SH3GLB2: variants seen among roughly 807,000 people sequenced by gnomAD.
The protein encoded by SH3GLB2 is SH3 domain containing GRB2 like, endophilin B2.
Under a neutral mutation model 48.0 loss-of-function variants are expected in SH3GLB2, and 24 were observed. The ratio of observed to expected loss-of-function variants is 0.50; its 90% CI spans 0.36 to 0.70. SH3GLB2 has a LOEUF of 0.70. SH3GLB2 is among the 30% of genes least tolerant of loss of function. The pLI is 0.00. For missense variants in SH3GLB2, 425 were observed against 516.0 expected (o/e 0.82, Z 1.71); for synonymous variants, 227 against 207.6 (o/e 1.09, Z -0.80).
rs753515037 is a variant in SH3GLB2, at chr9:129,010,165, T to C, written c.693A>G (p.Gln231=). Residue 231 remains glutamine (Q), a synonymous_variant, in exon 8 of 11, where the codon CAA becomes CAG. Transcript: ENST00000372564. ...CCAGCAAGAGACGGGTCACTTCTGC[T>C]TGCCGGTCAAACTCTGTCTGGGCCA... ...LRVAQTEFDR[Q]AEVTRLLLEG... 3 of 1,614,052 alleles carry C rather than the reference T, an allele frequency of 1.9e-6. No individual in the cohort carries two copies. In the South Asian group the frequency reaches 3.3e-5, roughly 18 times the overall value.
chr9:129,016,082 C>A (rs1335261012), intron 3 of SH3GLB2, among the ~76,000 whole-genome samples: 1 of 152,176 alleles, frequency 6.6e-6, no homozygotes, highest in East Asian at 1.9e-4. Context: ...GTGGCTCACG[C>A]CTGTAATTCT....
At position 129,011,868 on chromosome 9, in the gene SH3GLB2, C is replaced by T. The variant is rs1201669459; in HGVS notation, c.624+368G>A. On this transcript the variant is annotated intron_variant, in intron 6 of 10. Transcript: ENST00000372564. The surrounding 1 kb of genome is among the most constrained non-coding windows in gnomAD (Gnocchi z 4.5). ...ACTCCAGAAAGGCACGGCCAGGCCTCCTCCTCTATCCTCAGGGCCTCCCCA... is the reference window on the plus strand; with the variant it reads ...ACTCCAGAAAGGCACGGCCAGGCCTTCTCCTCTATCCTCAGGGCCTCCCCA... 3 of 235,058 alleles carry T rather than the reference C, an allele frequency of 1.3e-5. No individual in the cohort carries two copies. In the East Asian group the frequency reaches 2.5e-4, roughly 19 times the overall value. The allele number at this position is 235,058 out of a possible 1,614,324, so 14.6% of individuals were successfully genotyped here. A position where few individuals can be genotyped will look rare whatever the true frequency, so the allele number is the denominator to read the frequency against.
At chr9:129,010,793 G>A in intron 6 of SH3GLB2, 100 bp from the exon 7 acceptor site, 3 of 1,414,806 alleles carry the variant, frequency 2.1e-6, no homozygotes, top group South Asian at 1.2e-5. Flanking sequence ...CTCAACTTCT[G>A]CCCCCCTGCC....
At chr9:129,020,268 T>TA (rs1843704130) in intron 3 of SH3GLB2, among the ~76,000 whole-genome samples, 1 of 130,354 alleles carries the variant, frequency 7.7e-6, no homozygotes, top group African/African-American at 2.9e-5. Context: ...ATGATTCCAT[T>TA]AAAAAATACA....
intron 6 of SH3GLB2, 95 bp downstream of exon 6, chr9:129,012,141 A>G: frequency 1.3e-6 from 1 of 765,198 alleles, no homozygotes; most frequent in Non-Finnish European, 1.7e-6. Context: ...CGCCTTACCC[A>G]AGCTGGCTTC....
chr9:129,027,286 C>T (rs1013295470), intron 1 of SH3GLB2, among the ~76,000 whole-genome samples: 1 of 152,154 alleles, frequency 6.6e-6, no homozygotes, highest in Non-Finnish European at 1.5e-5. Context: ...CCCACAGAAT[C>T]CTCGCATCTG....
chr9:129,013,169 AAG>A, intron 5 of SH3GLB2: 1 of 792,800 alleles, frequency 1.3e-6, no homozygotes, highest in Non-Finnish European at 2.1e-6. Context: ...TGCCCTCCTG[AAG>A]AGTCCTAACG....
intron 3 of SH3GLB2, among the ~76,000 whole-genome samples, chr9:129,018,014 C>T (rs1843542972): frequency 6.6e-6 from 1 of 151,910 alleles, no homozygotes; most frequent in African/African-American, 2.4e-5. Context: ...ATCCCTTGAA[C>T]CTGGGAAGTG....
At chr9:129,022,972 T>G (rs920928627) in intron 1 of SH3GLB2, among the ~76,000 whole-genome samples, 2 of 152,126 alleles carry the variant, frequency 1.3e-5, no homozygotes. Context: ...ATGTGTGACT[T>G]TGGGCAAGGG....
At chr9:129,013,069 TAGTG>T in intron 5 of SH3GLB2, 1 of 1,550,112 alleles carries the variant, frequency 6.5e-7, no homozygotes, top group Non-Finnish European at 8.7e-7. Flanking sequence ...AACAAAGAGT[TAGTG>T]AGTCCACAGC....
At chr9:129,010,785 C>T (rs1479128784) in intron 6 of SH3GLB2, 92 bp from the exon 7 acceptor site, 5 of 1,506,874 alleles carry the variant, frequency 3.3e-6, no homozygotes, top group African/African-American at 1.4e-5. Context: ...CTCCCAGACT[C>T]AACTTCTGCC....
chr9:129,008,943 C>CA, intron 10 of SH3GLB2, 152 bp from the exon 11 acceptor site: 1 of 1,351,580 alleles, frequency 7.4e-7, no homozygotes, highest in Non-Finnish European at 1.0e-6. Flanking sequence ...TCCAGAGACC[C>CA]AGCAGAGCAA....
At chr9:129,008,887 C>G in intron 10 of SH3GLB2, 96 bp from the exon 11 acceptor site, 1 of 1,317,572 alleles carries the variant, frequency 7.6e-7, no homozygotes, top group Non-Finnish European at 1.1e-6. Flanking sequence ...CCCCATGGCC[C>G]GTGGCATGTG....
Position 129,008,677 on chromosome 9 carries a change from C to T in SH3GLB2, c.*7G>A, listed in dbSNP as rs1260220066. 5.0e-6 allele frequency: 8 copies of T among 1,611,380 alleles called. No individual in the cohort carries two copies. In the Admixed American group the frequency reaches 1.3e-4, roughly 27 times the overall value. ...GGCCAGAATGCGGGGGGGATGGGGG[C>T]ACCTGCCTAGCTGAGCAGTTCCAAG... On this transcript the variant is annotated 3_prime_UTR_variant, in exon 11 of 11. Transcript: ENST00000372564.
intron 1 of SH3GLB2, among the ~76,000 whole-genome samples, chr9:129,027,773 G>A (rs941206522): frequency 4.6e-5 from 7 of 152,348 alleles, no homozygotes; most frequent in Admixed American, 1.3e-4. Flanking sequence ...TGCTGGACAA[G>A]GGCAGGGAGG....
rs745395747 is a variant in SH3GLB2, at chr9:129,014,834, C to T, written c.405G>A (p.Thr135=). The change falls in exon 4 of 11, where the codon ACG becomes ACA. Residue 135 remains threonine, a synonymous_variant. Transcript: ENST00000372564. This position sits in a 1 kb window ranked among gnomAD's most constrained non-coding sequence, Gnocchi z 4.1. ...LGAAERDFIH[T]ASISFLTPLR... The stretch of plus-strand genomic sequence containing the variant: ...AGGGTGTGAGGAAGCTGATGGAGGC[C>T]GTGTGGATAAAATCCCTCTCCGCGG... 38 of 1,613,858 alleles carry T rather than the reference C, an allele frequency of 2.4e-5. No homozygotes were observed. Among genetic ancestry groups the T allele is most frequent in the South Asian group, 1.4e-4 (13 of 91,072 alleles).
rs1342985326 is a variant in SH3GLB2 at position 129,007,257 on chromosome 9, G to A, written c.*1427C>T. 3.3e-5 allele frequency: 5 copies of A among 152,340 alleles called. No homozygotes were observed. The highest frequency in any genetic ancestry group is 3.3e-4 in the Admixed American group (5 of 15,268). The allele number at this position is 152,340 out of a possible 1,614,324, so 9.4% of individuals were successfully genotyped here. A position where few individuals can be genotyped will look rare whatever the true frequency, so the allele number is the denominator to read the frequency against. ...CAGCATCTCCTCATTCCTGTCCTTG[G>A]GCTGAGGGTTTGGCTGGGTGGGCGC... On this transcript the variant is annotated 3_prime_UTR_variant, in exon 11 of 11. Transcript: ENST00000372564.
chr9:129,017,844 G>A (rs1008205535), intron 3 of SH3GLB2, among the ~76,000 whole-genome samples: 5 of 150,668 alleles, frequency 3.3e-5, no homozygotes, highest in African/African-American at 1.2e-4. Flanking sequence ...GTTGCAGTGA[G>A]CCGAGATCGT....
chr9:129,023,675 G>A (rs1484619763), intron 1 of SH3GLB2, among the ~76,000 whole-genome samples: 1 of 152,174 alleles, frequency 6.6e-6, no homozygotes, highest in Non-Finnish European at 1.5e-5. Context: ...GGCTCCAGCT[G>A]CGGTGGGGGG....
Sources: gnomAD v4.1 joint callset for allele counts (sites outside exome capture counted in the v4.1 genomes callset) on GRCh38, gnomAD v4.1.1 for gene constraint, Gnocchi (gnomAD v3.1) non-coding constraint, MANE v1.5 for transcripts, NCBI Gene and HGNC (gene_info 2026-07-23, HGNC 2026-07-21) for gene names.